Variants in PDE1A observed in about 807,000 individuals in gnomAD.
PDE1A encodes the protein phosphodiesterase 1A.
Under a neutral mutation model 61.7 loss-of-function variants are expected in PDE1A, and 35 were observed. The observed-to-expected ratio is 0.57, with a 90% CI of 0.43 to 0.75. The LOEUF is 0.75. PDE1A is among the 30% of genes least tolerant of loss of function. The pLI is 0.00. For synonymous variants in PDE1A, 232 were observed against 213.2 expected (o/e 1.09, Z -0.77); for missense variants, 597 against 630.6 (o/e 0.95, Z 0.57).
chr2:182,435,466 T>C (rs1437420715), intron 2 of PDE1A, among the ~76,000 whole-genome samples: 1 of 152,010 alleles, frequency 6.6e-6, no homozygotes, highest in Non-Finnish European at 1.5e-5. Context: ...CAAGTGCACA[T>C]GGTGGGTGAA....
intron 2 of PDE1A, among the ~76,000 whole-genome samples, chr2:182,461,141 C>G (rs1321903223): frequency 3.3e-5 from 5 of 152,062 alleles, no homozygotes; most frequent in African/African-American, 9.7e-5. Context: ...GTTTGTGAGC[C>G]TGGAGTTCTG....
chr2:182,299,522 G>A (rs767486788), intron 1 of PDE1A, among the ~76,000 whole-genome samples: 1 of 148,876 alleles, frequency 6.7e-6, no homozygotes, highest in South Asian at 2.2e-4. Context: ...GTCCAGGATG[G>A]TCATCTCCAT....
chr2:182,360,936 T>C (rs1428354010), intron 1 of PDE1A, among the ~76,000 whole-genome samples: 2 of 152,092 alleles, frequency 1.3e-5, no homozygotes, highest in African/African-American at 4.8e-5. Flanking sequence ...TATTTATCTG[T>C]AAACAGGAAT....
At chr2:182,415,594 C>T (rs1278936260) in intron 1 of PDE1A, among the ~76,000 whole-genome samples, 1 of 152,146 alleles carries the variant, frequency 6.6e-6, no homozygotes, top group Non-Finnish European at 1.5e-5. Flanking sequence ...TGTTTAGAAA[C>T]ACTTTCAAAG....
chr2:182,292,653 G>T (rs1694614301), intron 1 of PDE1A, among the ~76,000 whole-genome samples: 1 of 151,806 alleles, frequency 6.6e-6, no homozygotes, highest in African/African-American at 2.4e-5. Context: ...ATATCATAAT[G>T]CAGAAAACAG....
chr2:182,570,215 C>T, the PDE1A span, among the ~76,000 whole-genome samples: 2 of 151,654 alleles, frequency 1.3e-5, no homozygotes, highest in African/African-American at 4.9e-5. Flanking sequence ...AATAGGAAGC[C>T]AAGACATAAA....
chr2:182,372,586 T>C (rs1429645092), intron 1 of PDE1A, among the ~76,000 whole-genome samples: 1 of 152,230 alleles, frequency 6.6e-6, no homozygotes, highest in Non-Finnish European at 1.5e-5. Flanking sequence ...AATTCAGAGC[T>C]AGGCAGGATA....
At chr2:182,588,152 G>A in the PDE1A span, among the ~76,000 whole-genome samples, 1 of 152,206 alleles carries the variant, frequency 6.6e-6, no homozygotes, top group African/African-American at 2.4e-5. Flanking sequence ...CTATTTGCAA[G>A]TAAGTAAGTT....
At chr2:182,314,527 T>A (rs1315127228) in intron 1 of PDE1A, 1 of 152,080 alleles carries the variant, frequency 6.6e-6, no homozygotes, top group Non-Finnish European at 1.5e-5. Context: ...CTGGGAAACG[T>A]AGTGAGACCC....
At chr2:182,655,804 C>A in the PDE1A span, among the ~76,000 whole-genome samples, 2 of 152,216 alleles carry the variant, frequency 1.3e-5, no homozygotes. Flanking sequence ...CATTCCAGTT[C>A]TCAAGTTTCC....
At chr2:182,630,991 G>GTA in the PDE1A span, among the ~76,000 whole-genome samples, 91 of 151,812 alleles carry the variant, frequency 6.0e-4, no homozygotes, top group African/African-American at 1.9e-3. Flanking sequence ...TACGTTGTGT[G>GTA]TATATATATA....
At chr2:182,278,693 A>G (rs768744351) in intron 1 of PDE1A, among the ~76,000 whole-genome samples, 30 of 151,994 alleles carry the variant, frequency 2.0e-4, no homozygotes, top group Non-Finnish European at 3.1e-4. Context: ...CAAATGTAAG[A>G]GGGGCCTCAG....
intron 1 of PDE1A, among the ~76,000 whole-genome samples, chr2:182,276,290 C>A (rs1246443288): frequency 6.6e-6 from 1 of 152,036 alleles, no homozygotes; most frequent in Non-Finnish European, 1.5e-5. Flanking sequence ...TCAGGGACCC[C>A]AAACGGAGGA....
intron 1 of PDE1A, among the ~76,000 whole-genome samples, chr2:182,409,200 C>T (rs1702472401): frequency 1.3e-5 from 2 of 152,166 alleles, no homozygotes; most frequent in East Asian, 1.9e-4. Flanking sequence ...TTTTCCACGT[C>T]GATTAGCACC....
the PDE1A span, among the ~76,000 whole-genome samples, chr2:182,592,802 A>C: frequency 3.5e-4 from 53 of 152,348 alleles, no homozygotes; most frequent in South Asian, 0.011. Flanking sequence ...CAAAAAAGGA[A>C]AAAGGGTAGT....
chr2:182,652,176 T>C, the PDE1A span, among the ~76,000 whole-genome samples: 3 of 152,208 alleles, frequency 2.0e-5, no homozygotes, highest in African/African-American at 2.4e-5. Context: ...CCCAGTATTA[T>C]TGCAGACTGC....
the PDE1A span, among the ~76,000 whole-genome samples, chr2:182,626,666 T>C: frequency 7.9e-6 from 1 of 127,332 alleles, no homozygotes; most frequent in Non-Finnish European, 1.6e-5. Flanking sequence ...AAATGTTTCC[T>C]AATATGTAAT....
At chr2:182,395,741 G>A (rs1701668405) in intron 1 of PDE1A, among the ~76,000 whole-genome samples, 1 of 152,236 alleles carries the variant, frequency 6.6e-6, no homozygotes, top group East Asian at 1.9e-4. Flanking sequence ...AGATAGGGAT[G>A]CTGTTTGGAG....
intron 1 of PDE1A, among the ~76,000 whole-genome samples, chr2:182,361,651 A>G (rs1206001917): frequency 6.6e-6 from 1 of 152,086 alleles, no homozygotes; most frequent in Non-Finnish European, 1.5e-5. Context: ...TTGATAGTAA[A>G]TCATCAAATT....
Sources: allele counts gnomAD v4.1 joint callset (sites outside exome capture counted in the v4.1 genomes callset), GRCh38; gene constraint gnomAD v4.1.1; transcripts MANE v1.5; gene names NCBI Gene and HGNC (gene_info 2026-07-23, HGNC 2026-07-21).